ADAM18: variants seen among roughly 807,000 people sequenced by gnomAD.
ADAM18 encodes disintegrin and metalloproteinase domain-containing protein 18.
Under a neutral mutation model 94.4 loss-of-function variants are expected in ADAM18, and 117 were observed. That is an observed-to-expected ratio of 1.24 (90% confidence interval 1.07 to 1.45). The LOEUF is 1.45. ADAM18 is among the 40% of genes most tolerant of loss of function. The probability of loss-of-function intolerance (pLI) is 0.00; values close to 1 mark genes in which losing one functional copy is unlikely to be tolerated. For synonymous variants in ADAM18, 327 were observed against 291.6 expected (o/e 1.12, Z -1.24); for missense variants, 936 against 880.0 (o/e 1.06, Z -0.81).
chr8:39,643,248 C>G (rs1450460278), intron 10 of ADAM18, among the ~76,000 whole-genome samples: 1 of 152,034 alleles, frequency 6.6e-6, no homozygotes, highest in Non-Finnish European at 1.5e-5. Context: ...TTGACTTCTT[C>G]TTTGGATGCC....
At chr8:39,624,491 A>G (rs74348204) in intron 6 of ADAM18, among the ~76,000 whole-genome samples, 1,854 of 152,246 alleles carry the variant, frequency 0.012, 42 homozygotes, top group African/African-American at 0.042. Context: ...TCTCTAGTAT[A>G]TTCCATTGGT....
intron 13 of ADAM18, among the ~76,000 whole-genome samples, chr8:39,664,926 T>TG (rs1279206808): frequency 1.4e-5 from 2 of 141,366 alleles, no homozygotes; most frequent in Non-Finnish European, 3.1e-5. Context: ...TCTATGTATT[T>TG]TTTTTGTTGA....
chr8:39,693,900 A>G (rs1002860817), intron 17 of ADAM18, among the ~76,000 whole-genome samples: 95 of 151,418 alleles, frequency 6.3e-4, no homozygotes, highest in African/African-American at 2.2e-3. Context: ...AGGTCTCAAT[A>G]GACAGCTTTA....
Position 39,692,658 on chromosome 8 carries a change from C to T in ADAM18, c.1880C>T (p.Thr627Ile), listed in dbSNP as rs1217618831. 2 of 1,603,752 alleles carry T rather than the reference C, an allele frequency of 1.2e-6. No individual in the cohort carries two copies. The highest frequency in any genetic ancestry group is 1.3e-5 in the African/African-American group (1 of 74,466). The change falls in exon 17 of 20, where the codon ACC becomes ATC. Residue 627 changes from threonine (T) to isoleucine (I), a missense_variant. Coordinates refer to ENST00000265707, the MANE Select transcript of ADAM18 (RefSeq NM_014237.3). ...VHLMGYNCNA[T>I]TKCKGKGICN... Reference sequence around the variant, plus strand: ...TTAATGGGATATAACTGTAATGCCACCACAAAATGCAAAGGGAAAGGGGTA... The same window carrying T: ...TTAATGGGATATAACTGTAATGCCATCACAAAATGCAAAGGGAAAGGGGTA...
chr8:39,665,182 A>G (rs1820963694), intron 13 of ADAM18, among the ~76,000 whole-genome samples: 1 of 152,216 alleles, frequency 6.6e-6, no homozygotes, highest in Non-Finnish European at 1.5e-5. Context: ...ACATAAATTG[A>G]ATCATACAAT....
intron 6 of ADAM18, among the ~76,000 whole-genome samples, chr8:39,626,008 A>C (rs2129578930): frequency 6.6e-6 from 1 of 152,260 alleles, no homozygotes; most frequent in East Asian, 1.9e-4. Flanking sequence ...TGTTGTTTGA[A>C]TATCTGGTAG....
chr8:39,599,008 G>A (rs1194136601), intron 2 of ADAM18, among the ~76,000 whole-genome samples: 7 of 151,780 alleles, frequency 4.6e-5, no homozygotes, highest in African/African-American at 1.7e-4. Flanking sequence ...ACAGGGTTTC[G>A]CCATGTTGGC....
rs200256134 is a variant in ADAM18 at position 39,680,049 on chromosome 8, T to C, written c.1644T>C (p.Cys548=). ...PLPCERKDVL[C]GKLACVQPHK... is the part of the protein sequence containing the mutation. ...TTTCCACTTCCAGGGATGTTCTCTG[T>C]GGAAAATTAGCTTGTGTTCAGCCAC... The change falls in exon 16 of 20, where the codon TGT becomes TGC. Residue 548 remains cysteine (C), a synonymous_variant. Transcript: ENST00000265707. The C allele has an allele frequency of 6.2e-7, 1 of 1,613,594 alleles. No homozygotes were observed. The highest frequency in any genetic ancestry group is 2.2e-5 in the East Asian group (1 of 44,860).
Position 39,676,610 on chromosome 8 carries a change from C to T in ADAM18, c.1526-821C>T, listed in dbSNP as rs145721761. Among the ~76,000 whole-genome samples, 4 of 151,558 alleles carry T rather than the reference C, an allele frequency of 2.6e-5. No homozygotes were observed. In the East Asian group the frequency reaches 5.9e-4, roughly 22 times the overall value. ...ACTCCTTGCTCTTCTTGGGCAGGGG[C>T]AACGCCCCGCCCTGCTTCAGCTCGC... On this transcript the variant is annotated intron_variant, in intron 14 of 19. Transcript: ENST00000265707.
chr8:39,668,093 C>T lies in ADAM18; in HGVS notation c.1422C>T (p.Asp474=), dbSNP rs948578382. Residue 474 remains aspartate (D), a synonymous_variant, in exon 14 of 20, where the codon GAC becomes GAT. Coordinates refer to ENST00000265707, the MANE Select transcript of ADAM18 (RefSeq NM_014237.3). ...CNGTSSNCVP[D]TYALNGRLCK... ...GAACCTCTAGTAATTGTGTTCCTGA[C>T]ACTTATGCATTGAATGGCCGTTTGT... 6.2e-7 allele frequency: 1 copy of T among 1,614,108 alleles called. No homozygotes were observed. The highest frequency in any genetic ancestry group is 1.7e-5 in the Admixed American group (1 of 60,010).
chr8:39,727,005 G>A (rs540528579), intron 19 of ADAM18, among the ~76,000 whole-genome samples: 1 of 152,232 alleles, frequency 6.6e-6, no homozygotes, highest in South Asian at 2.1e-4. Flanking sequence ...AGTTACTTTT[G>A]ATAGAGAAAG....
chr8:39,669,283 T>A (rs1563299280), intron 14 of ADAM18, among the ~76,000 whole-genome samples: 2 of 151,196 alleles, frequency 1.3e-5, no homozygotes, highest in Non-Finnish European at 3.0e-5. Flanking sequence ...TTGTTTTTTT[T>A]AAATTTTATT....
chr8:39,702,825 TG>T (rs1390952575), intron 17 of ADAM18, among the ~76,000 whole-genome samples: 2 of 152,206 alleles, frequency 1.3e-5, no homozygotes, highest in Admixed American at 1.3e-4. Context: ...GGTTCTCTGC[TG>T]TTCCATAGGT....
intron 6 of ADAM18, among the ~76,000 whole-genome samples, chr8:39,628,526 A>C (rs1585914909): frequency 6.6e-6 from 1 of 152,038 alleles, no homozygotes; most frequent in African/African-American, 2.4e-5. Context: ...CAACCTATTT[A>C]AACAGAGACT....
intron 6 of ADAM18, among the ~76,000 whole-genome samples, chr8:39,626,661 C>G (rs1380473923): frequency 1.3e-5 from 2 of 151,722 alleles, no homozygotes; most frequent in African/African-American, 4.8e-5. Flanking sequence ...TATTGTTAAC[C>G]CCAAAATCAT....
At chr8:39,611,555 T>C (rs943230996) in intron 6 of ADAM18, 1 of 985,280 alleles carries the variant, frequency 1.0e-6, no homozygotes, top group Admixed American at 6.2e-5. Context: ...CTGGGATAAA[T>C]AAAAAAAGCA....
intron 13 of ADAM18, among the ~76,000 whole-genome samples, chr8:39,664,951 G>T (rs1375094470): frequency 6.6e-6 from 1 of 151,770 alleles, no homozygotes; most frequent in Non-Finnish European, 1.5e-5. Context: ...AGCTATTAAT[G>T]TATAATTTAA....
chr8:39,592,103 C>T (rs1456618483), intron 2 of ADAM18, among the ~76,000 whole-genome samples: 1 of 152,148 alleles, frequency 6.6e-6, no homozygotes, highest in Admixed American at 6.5e-5. Flanking sequence ...TTTGTTGTTA[C>T]ATTTCTCATC....
chr8:39,689,948 G>A (rs1355361096), intron 16 of ADAM18, among the ~76,000 whole-genome samples: 3 of 152,174 alleles, frequency 2.0e-5, no homozygotes, highest in African/African-American at 7.2e-5. Context: ...TATTCTGTGT[G>A]TGTGTGCGGC....
Sources: gnomAD v4.1 joint callset for allele counts (sites outside exome capture counted in the v4.1 genomes callset) on GRCh38, gnomAD v4.1.1 for gene constraint, MANE v1.5 for transcripts, NCBI Gene and HGNC (gene_info 2026-07-23, HGNC 2026-07-21) for gene names.